Variants in PTPRN2 observed in about 807,000 individuals in gnomAD.
PTPRN2 encodes receptor-type tyrosine-protein phosphatase N2.
In PTPRN2, 74 loss-of-function variants were observed where a neutral mutation model predicts 118.8. The observed-to-expected ratio is 0.62, with a 90% CI of 0.52 to 0.76. PTPRN2 has a LOEUF of 0.76. Ranked by LOEUF, PTPRN2 falls within the 30% of genes least tolerant of loss-of-function variation. The probability of loss-of-function intolerance (pLI) is 0.00; values close to 1 mark genes in which losing one functional copy is unlikely to be tolerated. For synonymous variants in PTPRN2, 641 were observed against 608.0 expected, an observed-to-expected ratio of 1.05 and a Z score of -0.80; for missense variants, 1,481 against 1,394.4, an observed-to-expected ratio of 1.06 and a Z score of -0.99.
chr7:158,387,534 G>A, intron 2 of PTPRN2, among the ~76,000 whole-genome samples: 1 of 152,416 alleles, frequency 6.6e-6, no homozygotes, highest in East Asian at 1.9e-4. Flanking sequence ...TCTGGGTCCT[G>A]GGGGGACTGG....
At chr7:158,149,667 G>A (rs928060268) in intron 6 of PTPRN2, among the ~76,000 whole-genome samples, 31 of 152,108 alleles carry the variant, frequency 2.0e-4, no homozygotes, top group African/African-American at 7.5e-4. Flanking sequence ...ACCCAGGCGT[G>A]GTGGCGCATG....
At chr7:157,636,701 T>C (rs1297746944) in intron 14 of PTPRN2, among the ~76,000 whole-genome samples, 3 of 152,240 alleles carry the variant, frequency 2.0e-5, no homozygotes, top group South Asian at 4.1e-4. Context: ...ATCACCTTTA[T>C]AGATGAATGG....
At chr7:157,966,801 C>T (rs1442641978) in intron 11 of PTPRN2, among the ~76,000 whole-genome samples, 1 of 151,872 alleles carries the variant, frequency 6.6e-6, no homozygotes, top group Non-Finnish European at 1.5e-5. Context: ...ATCTTCATCA[C>T]CACCATCATC....
intron 2 of PTPRN2, among the ~76,000 whole-genome samples, chr7:158,339,989 C>G (rs1161058791): frequency 3.6e-5 from 3 of 82,362 alleles, no homozygotes. Context: ...AGAGCTGTCG[C>G]CCGCAGAAGT....
chr7:157,553,133 C>T (rs1055762598), intron 21 of PTPRN2, among the ~76,000 whole-genome samples: 14 of 152,144 alleles, frequency 9.2e-5, no homozygotes, highest in Non-Finnish European at 1.8e-4. Context: ...ACTCAAGAGA[C>T]GGGGAGCTCT....
chr7:157,614,249 T>G (rs1178895116), intron 15 of PTPRN2: 3 of 404,728 alleles, frequency 7.4e-6, no homozygotes, highest in African/African-American at 2.1e-5. Context: ...CTGGTCATGT[T>G]CCTACAGCAT....
intron 11 of PTPRN2, among the ~76,000 whole-genome samples, chr7:157,975,560 C>T (rs1267825111): frequency 1.3e-5 from 2 of 152,256 alleles, no homozygotes; most frequent in Admixed American, 6.5e-5. Flanking sequence ...CAAACTTGGG[C>T]GAGCTCCCTA....
intron 21 of PTPRN2, among the ~76,000 whole-genome samples, chr7:157,558,689 C>A (rs1215327450): frequency 6.6e-6 from 1 of 152,252 alleles, no homozygotes; most frequent in African/African-American, 2.4e-5. Flanking sequence ...CCAGGCCGCA[C>A]TGACTGCTGG....
chr7:158,115,118 G>C (rs904561858), intron 9 of PTPRN2, among the ~76,000 whole-genome samples: 3 of 152,148 alleles, frequency 2.0e-5, no homozygotes, highest in Non-Finnish European at 2.9e-5. Context: ...AATGAGCTAT[G>C]ATTGCACCTG....
chr7:158,294,380 A>T (rs1020961049), intron 3 of PTPRN2, among the ~76,000 whole-genome samples: 1 of 152,228 alleles, frequency 6.6e-6, no homozygotes, highest in Non-Finnish European at 1.5e-5. Flanking sequence ...ATGAAATTAC[A>T]TGAGAGTTTG....
At chr7:157,965,351 C>T (rs188427983) in intron 11 of PTPRN2, among the ~76,000 whole-genome samples, 6 of 152,272 alleles carry the variant, frequency 3.9e-5, no homozygotes, top group East Asian at 3.9e-4. Context: ...CATAAAGAGA[C>T]GGTGCCCCTC....
chr7:157,789,556 G>A (rs1380528473), intron 12 of PTPRN2, among the ~76,000 whole-genome samples: 3 of 152,256 alleles, frequency 2.0e-5, no homozygotes, highest in African/African-American at 7.2e-5. Context: ...GACAACAAGG[G>A]AATTCAGCCA....
chr7:158,333,773 C>A (rs575579482), intron 2 of PTPRN2, among the ~76,000 whole-genome samples: 3 of 148,468 alleles, frequency 2.0e-5, no homozygotes, highest in African/African-American at 7.5e-5. Context: ...CCGCAGACAT[C>A]ACTCACACAC....
intron 2 of PTPRN2, among the ~76,000 whole-genome samples, chr7:158,333,827 C>T (rs1358950681): frequency 1.4e-5 from 2 of 144,130 alleles, no homozygotes; most frequent in Non-Finnish European, 3.1e-5. Context: ...GTCACTCACA[C>T]CCACACTCTC....
chr7:157,860,270 G>A (rs1462838678), intron 12 of PTPRN2, among the ~76,000 whole-genome samples: 2 of 152,206 alleles, frequency 1.3e-5, no homozygotes, highest in African/African-American at 4.8e-5. Context: ...CAGGCCACCT[G>A]AGGACACACA....
At chr7:157,747,607 C>A (rs1286511155) in intron 12 of PTPRN2, among the ~76,000 whole-genome samples, 2 of 121,494 alleles carry the variant, frequency 1.6e-5, no homozygotes, top group Admixed American at 8.8e-5. Flanking sequence ...CCGGGTGATT[C>A]TGAGGCCTGC....
chr7:158,456,193 T>C (rs1402491248), intron 2 of PTPRN2, among the ~76,000 whole-genome samples: 1 of 148,590 alleles, frequency 6.7e-6, no homozygotes, highest in Non-Finnish European at 1.5e-5. Context: ...GCAGAGAACA[T>C]AATGGCACGG....
At chr7:158,111,287 C>T (rs1212348861) in intron 9 of PTPRN2, among the ~76,000 whole-genome samples, 1 of 152,214 alleles carries the variant, frequency 6.6e-6, no homozygotes, top group African/African-American at 2.4e-5. Context: ...GGGCTCATTT[C>T]TGATGTGAAC....
rs1199394282 is a variant in PTPRN2, at chr7:158,544,840, G to A, written c.112+42718C>T. On this transcript the variant is annotated intron_variant, in intron 1 of 22. Transcript: ENST00000389418. This position sits in a 1 kb window ranked among gnomAD's most constrained non-coding sequence, Gnocchi z 4.2. ...TGTTGTCCTGGGGTTCAAAGCCGCT[G>A]CCACCTTCTTCCCTTGCAGTTTTCT... is the stretch of plus-strand genomic sequence containing the variant. Among the ~76,000 whole-genome samples, 1 of 152,206 alleles carries A rather than the reference G, an allele frequency of 6.6e-6. No individual in the cohort carries two copies. Among genetic ancestry groups the A allele is most frequent in the African/African-American group, 2.4e-5 (1 of 41,444 alleles).
Sources: allele counts gnomAD v4.1 joint callset (sites outside exome capture counted in the v4.1 genomes callset), GRCh38; gene constraint gnomAD v4.1.1; non-coding constraint Gnocchi (gnomAD v3.1); transcripts MANE v1.5; gene names NCBI Gene and HGNC (gene_info 2026-07-23, HGNC 2026-07-21).